The following CDH13 variants were observed in gnomAD, a reference collection of about 807,000 sequenced individuals.
CDH13 encodes cadherin-13.
Under a neutral mutation model 63.8 loss-of-function variants are expected in CDH13, and 24 were observed. That is an observed-to-expected ratio of 0.38 (90% CI 0.27 to 0.53). The LOEUF is 0.53. Among genes scored for constraint, CDH13 ranks in the 20% least tolerant of loss-of-function variants. CDH13 has a pLI of 0.85. For synonymous variants in CDH13, 503 were observed against 355.3 expected (o/e 1.42, Z -4.67); for missense variants, 1,049 against 903.1 (o/e 1.16, Z -2.07).
In CDH13 at chr16:83,552,808, G is replaced by A. The variant is rs140815074; in HGVS notation, c.961-49646G>A. On this transcript the variant is annotated intron_variant, in intron 7 of 13. Transcript: ENST00000567109. ...TCAAAGACGTGGTTATTGGCTGGGC[G>A]CAGTGGCTCACACCTGTAATCCAGC... 7.6e-3 allele frequency among the ~76,000 whole-genome samples: 1,153 copies of A among 152,256 alleles called. 11 individuals are homozygous for A. The highest frequency in any genetic ancestry group is 0.027 in the African/African-American group (1,102 of 41,540).
chr16:83,023,299 T>C (rs1278636306), intron 2 of CDH13, among the ~76,000 whole-genome samples: 3 of 143,682 alleles, frequency 2.1e-5, no homozygotes, highest in Non-Finnish European at 3.0e-5. Context: ...GTGTTTTCAC[T>C]ACCCCCCGAC....
intron 1 of CDH13, among the ~76,000 whole-genome samples, chr16:82,851,941 G>A (rs1282877726): frequency 6.6e-6 from 1 of 152,192 alleles, no homozygotes; most frequent in African/African-American, 2.4e-5. Flanking sequence ...AACCAGAGAT[G>A]TTTTATGGCA....
At chr16:83,297,272 T>C (rs1349246496) in intron 5 of CDH13, among the ~76,000 whole-genome samples, 1 of 152,296 alleles carries the variant, frequency 6.6e-6, no homozygotes, top group East Asian at 1.9e-4. Context: ...TTTGAGATGA[T>C]GGATATGCTA....
intron 6 of CDH13, among the ~76,000 whole-genome samples, chr16:83,408,524 C>G (rs575129085): frequency 1.3e-5 from 2 of 152,166 alleles, no homozygotes; most frequent in South Asian, 2.1e-4. Flanking sequence ...ATGTGTGTAT[C>G]TAAACATAGA....
At chr16:83,371,675 A>G (rs2091369431) in intron 6 of CDH13, among the ~76,000 whole-genome samples, 1 of 152,256 alleles carries the variant, frequency 6.6e-6, no homozygotes, top group Non-Finnish European at 1.5e-5. Flanking sequence ...AAGTAGATTA[A>G]TAGTGGTACT....
chr16:83,340,531 A>G (rs1309555614), intron 5 of CDH13, among the ~76,000 whole-genome samples: 1 of 152,156 alleles, frequency 6.6e-6, no homozygotes, highest in Non-Finnish European at 1.5e-5. Context: ...AGACCCTTGG[A>G]TTTCCATCTC....
At chr16:82,828,617 G>C (rs2038374763) in intron 1 of CDH13, among the ~76,000 whole-genome samples, 1 of 151,384 alleles carries the variant, frequency 6.6e-6, no homozygotes, top group Admixed American at 6.6e-5. Flanking sequence ...ATGAGGGCCT[G>C]TCTAAAATAA....
At position 82,680,980 on chromosome 16, in the gene CDH13, C is replaced by T. The variant is rs531472301; in HGVS notation, c.45+53843C>T. Among the ~76,000 whole-genome samples, 285 of 152,212 alleles carry T rather than the reference C, an allele frequency of 1.9e-3. 1 individual carries two copies. The highest frequency in any genetic ancestry group is 5.1e-3 in the African/African-American group (211 of 41,516). ...AAGAAAGTGAGAAGAGAAGGGAGCC[C>T]ATAAAGAAGACAGGACTGCCTACAA... On this transcript the variant is annotated intron_variant, in intron 1 of 13. Coordinates refer to ENST00000567109, the MANE Select transcript of CDH13 (RefSeq NM_001257.5).
At chr16:83,040,149 T>C (rs550334213) in intron 3 of CDH13, among the ~76,000 whole-genome samples, 2 of 152,072 alleles carry the variant, frequency 1.3e-5, no homozygotes, top group Admixed American at 6.6e-5. Context: ...CTGCATTTAC[T>C]ACCTCTGCTC....
intron 1 of CDH13, among the ~76,000 whole-genome samples, chr16:82,693,282 CTT>C (rs1350411888): frequency 6.6e-6 from 1 of 152,178 alleles, no homozygotes; most frequent in African/African-American, 2.4e-5. Context: ...ATAAGTACCT[CTT>C]TATTTTAAGC....
At chr16:83,311,769 A>G (rs982679369) in intron 5 of CDH13, among the ~76,000 whole-genome samples, 6 of 152,312 alleles carry the variant, frequency 3.9e-5, no homozygotes, top group Admixed American at 6.5e-5. Flanking sequence ...AATTCTACGC[A>G]TCTTCCTAAT....
intron 1 of CDH13, among the ~76,000 whole-genome samples, chr16:82,819,872 A>G (rs1467727546): frequency 1.3e-5 from 2 of 152,202 alleles, no homozygotes; most frequent in East Asian, 3.9e-4. Context: ...ATAGTATTTT[A>G]GAAGGTGATA....
intron 10 of CDH13, among the ~76,000 whole-genome samples, chr16:83,738,642 T>A: frequency 1.3e-5 from 2 of 152,132 alleles, no homozygotes; most frequent in Non-Finnish European, 2.9e-5. Flanking sequence ...GTGTGGTGGC[T>A]CAAGCCTGTA....
chr16:82,905,474 A>G (rs2041613443), intron 2 of CDH13, among the ~76,000 whole-genome samples: 1 of 150,978 alleles, frequency 6.6e-6, no homozygotes, highest in Admixed American at 6.6e-5. Context: ...TGTGTAAGAT[A>G]ATTTTTTCAG....
intron 6 of CDH13, among the ~76,000 whole-genome samples, chr16:83,432,451 G>A (rs1392038745): frequency 6.6e-6 from 1 of 152,168 alleles, no homozygotes; most frequent in Non-Finnish European, 1.5e-5. Flanking sequence ...GTGGCAGAGT[G>A]GGGACCTATG....
chr16:83,007,687 G>T (rs979947417), intron 2 of CDH13, among the ~76,000 whole-genome samples: 1 of 151,908 alleles, frequency 6.6e-6, no homozygotes, highest in Non-Finnish European at 1.5e-5. Context: ...AGCTGGGCAG[G>T]GTGGCTTGTG....
chr16:83,257,691 C>T (rs1906465833), intron 5 of CDH13, among the ~76,000 whole-genome samples: 1 of 152,122 alleles, frequency 6.6e-6, no homozygotes, highest in African/African-American at 2.4e-5. Flanking sequence ...AAGTTGAATC[C>T]ATGTCTTTGC....
intron 11 of CDH13, among the ~76,000 whole-genome samples, chr16:83,750,785 C>G (rs552515153): frequency 6.6e-6 from 1 of 152,282 alleles, no homozygotes; most frequent in Admixed American, 6.5e-5. Context: ...GGAACCAAAC[C>G]TGCAGATGCT....
chr16:83,577,746 A>G (rs146702952), intron 7 of CDH13, among the ~76,000 whole-genome samples: 332 of 152,328 alleles, frequency 2.2e-3, no homozygotes, highest in African/African-American at 7.6e-3. Flanking sequence ...AGATGCATCC[A>G]AAAGCCCTTA....
Sources: gnomAD v4.1 joint callset for allele counts (sites outside exome capture counted in the v4.1 genomes callset) on GRCh38, gnomAD v4.1.1 for gene constraint, MANE v1.5 for transcripts, NCBI Gene and HGNC (gene_info 2026-07-23, HGNC 2026-07-21) for gene names.